Variants in TRMT9B observed in about 807,000 individuals in gnomAD.
TRMT9B encodes probable tRNA methyltransferase 9B.
Under a neutral mutation model 11.5 loss-of-function variants are expected in TRMT9B, and 16 were observed. That is an observed-to-expected ratio of 1.39 (90% CI 0.94 to 2.11). TRMT9B has a LOEUF of 2.11. Among genes scored for constraint, TRMT9B ranks in the 30% most tolerant of loss-of-function variants. The pLI, the probability that TRMT9B is intolerant of heterozygous loss-of-function variation, is 0.00. For synonymous variants in TRMT9B, 274 were observed against 192.4 expected (o/e 1.42, Z -3.51); for missense variants, 941 against 553.8 (o/e 1.70, Z -7.02).
At position 13,011,489 on chromosome 8, in the gene TRMT9B, C is replaced by G. The variant is rs187077254; in HGVS notation, c.155-1195C>G. On this transcript the variant is annotated intron_variant, in intron 3 of 4. Coordinates refer to ENST00000524591, the MANE Select transcript of TRMT9B (RefSeq NM_020844.3). ...AGGTAGAAAAATTTCATCAGTAATG[C>G]CAATAAGTACAAATATAGGCTCTAA... is the stretch of plus-strand genomic sequence containing the variant. 34 of 978,694 alleles carry G rather than the reference C, an allele frequency of 3.5e-5. No individual in the cohort carries two copies. The African/African-American group carries it at 4.9e-4, about 14-fold the overall frequency. The allele number at this position is 978,694 out of a possible 1,614,324, so 60.6% of individuals were successfully genotyped here.
chr8:12,948,101 G>T (rs958539765), intron 1 of TRMT9B, among the ~76,000 whole-genome samples: 1 of 152,124 alleles, frequency 6.6e-6, no homozygotes, highest in African/African-American at 2.4e-5. Flanking sequence ...ATTGTAAATG[G>T]AAAGTGTTGT....
intron 1 of TRMT9B, among the ~76,000 whole-genome samples, chr8:12,978,926 C>A (rs1255112168): frequency 1.3e-5 from 2 of 152,224 alleles, no homozygotes; most frequent in Admixed American, 6.5e-5. Flanking sequence ...TGCGTGGATA[C>A]TTACCCCAGA....
At chr8:12,975,442 A>G (rs1804296402) in intron 1 of TRMT9B, among the ~76,000 whole-genome samples, 1 of 152,000 alleles carries the variant, frequency 6.6e-6, no homozygotes. Flanking sequence ...AAGCTTTTAA[A>G]TTGATGTTTC....
Position 13,021,852 on chromosome 8 carries a change from T to C in TRMT9B, c.1173T>C (p.Asp391=). 6.2e-7 allele frequency: 1 copy of C among 1,613,906 alleles called. No individual in the cohort carries two copies. Among genetic ancestry groups the C allele is most frequent in the African/African-American group, 1.3e-5 (1 of 75,066 alleles). Residue 391 remains aspartate, a synonymous_variant, in exon 5 of 5, where the codon GAT becomes GAC. Coordinates refer to ENST00000524591, the MANE Select transcript of TRMT9B (RefSeq NM_020844.3). ...AVDSTDFNPD[D]TMSVEDPQTD... Reference sequence around the variant, plus strand: ...ATTCCACAGATTTCAACCCAGATGATACAATGTCTGTCGAAGATCCACAGA... The same window carrying C: ...ATTCCACAGATTTCAACCCAGATGACACAATGTCTGTCGAAGATCCACAGA...
intron 1 of TRMT9B, among the ~76,000 whole-genome samples, chr8:12,982,600 T>G (rs1157726562): frequency 2.6e-5 from 4 of 151,816 alleles, no homozygotes; most frequent in African/African-American, 9.7e-5. Context: ...AGGCGGAGGT[T>G]GCAGTGAGCC....
chr8:12,985,242 C>T (rs559677659), intron 1 of TRMT9B, among the ~76,000 whole-genome samples: 4 of 152,274 alleles, frequency 2.6e-5, no homozygotes, highest in South Asian at 4.1e-4. Context: ...CAGAGAGGAT[C>T]GTATTCTCCC....
At chr8:13,015,647 C>A (rs975275706) in intron 4 of TRMT9B, among the ~76,000 whole-genome samples, 1 of 152,156 alleles carries the variant, frequency 6.6e-6, no homozygotes, top group Non-Finnish European at 1.5e-5. Flanking sequence ...AACTACCACG[C>A]CCAGGCTAAA....
rs150725379 is a variant in TRMT9B, at chr8:12,987,673, C to G, written c.-199-3161C>G. ...TGCCACTGCACTCCAGCCTGGGCAA[C>G]AGAATGAATACCCTGTCTCAAAAAA... On this transcript the variant is annotated intron_variant, in intron 1 of 4. Coordinates refer to ENST00000524591, the MANE Select transcript of TRMT9B (RefSeq NM_020844.3). Among the ~76,000 whole-genome samples the G allele has an allele frequency of 4.9e-3, 658 of 134,276 alleles. 1 individual carries two copies. Among genetic ancestry groups the G allele is most frequent in the African/African-American group, 0.018 (628 of 35,816 alleles). The allele number at this position is 134,276 out of a possible 152,430, so 88.1% of individuals were successfully genotyped here.
At chr8:12,998,804 C>G (rs148218425) in intron 2 of TRMT9B, among the ~76,000 whole-genome samples, 43 of 152,312 alleles carry the variant, frequency 2.8e-4, no homozygotes, top group African/African-American at 1.0e-3. Context: ...AATATTTTTA[C>G]TATTTGCCTC....
chr8:12,984,975 A>ACG (rs1806015453), intron 1 of TRMT9B, among the ~76,000 whole-genome samples: 1 of 143,646 alleles, frequency 7.0e-6, no homozygotes, highest in African/African-American at 2.9e-5. Context: ...ACACACACAC[A>ACG]CACACACACA....
intron 1 of TRMT9B, among the ~76,000 whole-genome samples, chr8:12,985,965 G>C (rs2954176): frequency 0.04 from 6,071 of 152,010 alleles, 160 homozygotes; most frequent in African/African-American, 0.069. Flanking sequence ...GGTTCAAATG[G>C]ATTCTCCTGC....
intron 1 of TRMT9B, among the ~76,000 whole-genome samples, chr8:12,965,917 G>T (rs1802747533): frequency 6.6e-6 from 1 of 151,876 alleles, no homozygotes; most frequent in African/African-American, 2.4e-5. Flanking sequence ...GGAGGCTGAG[G>T]CAGGAGAACC....
At chr8:12,975,149 G>A (rs1315587184) in intron 1 of TRMT9B, among the ~76,000 whole-genome samples, 1 of 151,978 alleles carries the variant, frequency 6.6e-6, no homozygotes, top group Non-Finnish European at 1.5e-5. Flanking sequence ...AGGATTCCAT[G>A]TACGGCTAGG....
chr8:12,954,026 A>C (rs192647201), intron 1 of TRMT9B, among the ~76,000 whole-genome samples: 1 of 152,330 alleles, frequency 6.6e-6, no homozygotes, highest in Non-Finnish European at 1.5e-5. Flanking sequence ...TGTATATCTT[A>C]ATATGGATAA....
At chr8:12,967,885 C>A (rs1195952096) in intron 1 of TRMT9B, among the ~76,000 whole-genome samples, 1 of 152,186 alleles carries the variant, frequency 6.6e-6, no homozygotes, top group Non-Finnish European at 1.5e-5. Context: ...AGAGAACAGT[C>A]TTCTAATTTG....
At chr8:12,948,013 A>G (rs1229271494) in intron 1 of TRMT9B, among the ~76,000 whole-genome samples, 1 of 152,196 alleles carries the variant, frequency 6.6e-6, no homozygotes, top group Non-Finnish European at 1.5e-5. Context: ...AAACTGAGTT[A>G]ACTGAGAAAG....
At chr8:12,968,295 G>C (rs926703536) in intron 1 of TRMT9B, among the ~76,000 whole-genome samples, 15 of 152,186 alleles carry the variant, frequency 9.9e-5, no homozygotes, top group African/African-American at 3.4e-4. Context: ...CTGTGTGATG[G>C]GGATGAGGTC....
intron 2 of TRMT9B, among the ~76,000 whole-genome samples, chr8:12,998,415 C>T (rs1391431543): frequency 3.3e-5 from 5 of 152,130 alleles, no homozygotes; most frequent in South Asian, 2.1e-4. Flanking sequence ...TCTAAAGCCA[C>T]GTGTGTTTTC....
At position 13,006,317 on chromosome 8, in the gene TRMT9B, C is replaced by A. The variant is rs1444419832; in HGVS notation, c.115C>A (p.Leu39Met). 1 of 1,613,450 alleles carries A rather than the reference C, an allele frequency of 6.2e-7. No individual in the cohort carries two copies. The highest frequency in any genetic ancestry group is 1.3e-5 in the African/African-American group (1 of 74,910). The change falls in exon 3 of 5, where the codon CTG becomes ATG. Residue 39 changes from leucine (L) to methionine (M), a missense_variant. Physicochemically the swap from Leu to Met is conservative, Grantham distance 15. Coordinates refer to ENST00000524591, the MANE Select transcript of TRMT9B (RefSeq NM_020844.3). ...SKAWPRVRQF[L>M]QEQKPGSLIA... is the part of the protein sequence containing the mutation. ...AGCCTGGCCTCGTGTCCGCCAGTTC[C>A]TGCAAGAGCAGAAGCCAGGCAGCCT...
Sources: gnomAD v4.1 joint callset for allele counts (sites outside exome capture counted in the v4.1 genomes callset) on GRCh38, gnomAD v4.1.1 for gene constraint, MANE v1.5 for transcripts, NCBI Gene and HGNC (gene_info 2026-07-23, HGNC 2026-07-21) for gene names.